The following KCNMA1 variants were observed in gnomAD, a reference collection of about 807,000 sequenced individuals.
The protein encoded by KCNMA1 is Calcium-activated potassium channel subunit alpha-1.
Under a neutral mutation model 140.0 loss-of-function variants are expected in KCNMA1, and 29 were observed. The ratio of observed to expected loss-of-function variants is 0.21; its 90% CI spans 0.15 to 0.28. The LOEUF is 0.28. Ranked by LOEUF, KCNMA1 falls within the 10% of genes least tolerant of loss-of-function variation. The pLI, the probability that KCNMA1 is intolerant of heterozygous loss-of-function variation, is 1.00. For synonymous variants in KCNMA1, 612 were observed against 611.9 expected, an observed-to-expected ratio of 1.00 and a Z score of 0.00; for missense variants, 880 against 1,602.2, an observed-to-expected ratio of 0.55 and a Z score of 7.70.
chr10:77,480,447 T>C (rs2154531332), intron 1 of KCNMA1, among the ~76,000 whole-genome samples: 1 of 152,364 alleles, frequency 6.6e-6, no homozygotes, highest in East Asian at 1.9e-4. Flanking sequence ...AGAGCTGATC[T>C]TCTTCCAGCT....
chr10:77,216,053 AT>A (rs1380104214), intron 3 of KCNMA1, among the ~76,000 whole-genome samples: 1 of 152,150 alleles, frequency 6.6e-6, no homozygotes, highest in African/African-American at 2.4e-5. Flanking sequence ...TCTTGAAAAC[AT>A]CATGCTAATT....
chr10:77,297,134 G>T (rs1339233572), intron 2 of KCNMA1, among the ~76,000 whole-genome samples: 2 of 152,152 alleles, frequency 1.3e-5, no homozygotes, highest in East Asian at 1.9e-4. Flanking sequence ...CTGAGACACA[G>T]AGAAAACTGA....
intron 20 of KCNMA1, among the ~76,000 whole-genome samples, chr10:76,968,999 C>T (rs1028688398): frequency 6.6e-6 from 1 of 152,080 alleles, no homozygotes; most frequent in East Asian, 1.9e-4. Flanking sequence ...AGATGGCAGG[C>T]ATTTCCAGAG....
At chr10:77,119,498 G>A (rs766496900) in intron 6 of KCNMA1, among the ~76,000 whole-genome samples, 1 of 152,132 alleles carries the variant, frequency 6.6e-6, no homozygotes, top group Non-Finnish European at 1.5e-5. Flanking sequence ...GTACTCACGC[G>A]TTCCATCTTT....
At chr10:77,191,610 A>T (rs1311970159) in intron 3 of KCNMA1, among the ~76,000 whole-genome samples, 1 of 152,154 alleles carries the variant, frequency 6.6e-6, no homozygotes. Flanking sequence ...TCTTCACTTT[A>T]TCCCAGACAT....
At chr10:77,525,769 G>A (rs1252766094) in intron 1 of KCNMA1, among the ~76,000 whole-genome samples, 1 of 152,240 alleles carries the variant, frequency 6.6e-6, no homozygotes, top group Non-Finnish European at 1.5e-5. Context: ...GGAGGCAAAA[G>A]ATGTCACCCT....
chr10:77,055,468 A>C (rs1270877), intron 14 of KCNMA1, among the ~76,000 whole-genome samples: 139,228 of 148,634 alleles, frequency 0.94, 65,260 homozygotes, highest in Middle Eastern at 0.98. Context: ...CCCTCCCTCC[A>C]TCCATTCCTT....
chr10:76,941,061 A>AAGAG (rs1591401116), intron 23 of KCNMA1, among the ~76,000 whole-genome samples: 1 of 101,040 alleles, frequency 9.9e-6, no homozygotes, highest in African/African-American at 4.5e-5. Flanking sequence ...AAGAGAAAGA[A>AAGAG]AGAAAGAAAA....
intron 3 of KCNMA1, among the ~76,000 whole-genome samples, chr10:77,241,475 C>G (rs7916784): frequency 0.072 from 9,484 of 131,516 alleles, 749 homozygotes; most frequent in East Asian, 0.25. Context: ...GAGACCCCCC[C>G]ATCTCTACAA....
chr10:77,127,541 G>T (rs887568420), intron 5 of KCNMA1, among the ~76,000 whole-genome samples: 1 of 150,248 alleles, frequency 6.7e-6, no homozygotes, highest in Non-Finnish European at 1.5e-5. Flanking sequence ...TATTCCCACT[G>T]GATTGAGTAC....
At chr10:77,196,132 A>T (rs897097637) in intron 3 of KCNMA1, among the ~76,000 whole-genome samples, 1 of 151,946 alleles carries the variant, frequency 6.6e-6, no homozygotes, top group African/African-American at 2.4e-5. Context: ...ACTTCTCTAG[A>T]GATGTTATTC....
intron 1 of KCNMA1, among the ~76,000 whole-genome samples, chr10:77,427,332 C>T (rs1368866807): frequency 6.6e-6 from 1 of 152,226 alleles, no homozygotes; most frequent in African/African-American, 2.4e-5. Flanking sequence ...TAGAACTGAG[C>T]TCAAATCTCA....
intron 23 of KCNMA1, 22 bp downstream of exon 23, chr10:76,944,751 A>T: frequency 6.2e-7 from 1 of 1,609,120 alleles, no homozygotes; most frequent in Non-Finnish European, 8.5e-7. Context: ...CACAGCAAAG[A>T]AGTATTACAG....
chr10:76,886,924 A>G lies in KCNMA1; in HGVS notation c.*342T>C. The G allele has an allele frequency of 8.6e-7, 1 of 1,156,914 alleles. No homozygotes were observed. The highest frequency in any genetic ancestry group is 1.1e-6 in the Non-Finnish European group (1 of 929,622). The allele number at this position is 1,156,914 out of a possible 1,614,324, so 71.7% of individuals were successfully genotyped here. On this transcript the variant is annotated 3_prime_UTR_variant, in exon 28 of 28. Coordinates refer to ENST00000286628, the MANE Select transcript of KCNMA1 (RefSeq NM_001161352.2). ...ATCAACTTTTCTTTTACATTAAATA[A>G]ACTTGCTCTGCCTAACTGACGTTGA...
chr10:77,417,402 G>T (rs1273604179), intron 1 of KCNMA1, among the ~76,000 whole-genome samples: 1 of 152,204 alleles, frequency 6.6e-6, no homozygotes, highest in Non-Finnish European at 1.5e-5. Flanking sequence ...TGCTCAGTGG[G>T]CACTGGAAAA....
intron 23 of KCNMA1, among the ~76,000 whole-genome samples, chr10:76,917,048 T>G (rs539967102): frequency 9.2e-5 from 14 of 152,236 alleles, no homozygotes; most frequent in Non-Finnish European, 1.9e-4. Context: ...TATATGTTTT[T>G]CAGCCAACCA....
chr10:77,349,209 T>C (rs1257450463), intron 2 of KCNMA1, among the ~76,000 whole-genome samples: 1 of 152,134 alleles, frequency 6.6e-6, no homozygotes, highest in East Asian at 1.9e-4. Flanking sequence ...ATGAATGAGA[T>C]TCATGCCCTT....
intron 19 of KCNMA1, among the ~76,000 whole-genome samples, chr10:76,998,528 G>C (rs2085127175): frequency 6.6e-6 from 1 of 152,168 alleles, no homozygotes; most frequent in Non-Finnish European, 1.5e-5. Flanking sequence ...TCATGGCTCT[G>C]CTGACACTAA....
chr10:77,518,579 A>G (rs1053981290), intron 1 of KCNMA1, among the ~76,000 whole-genome samples: 1 of 152,184 alleles, frequency 6.6e-6, no homozygotes, highest in African/African-American at 2.4e-5. Flanking sequence ...GGCCGAAGGA[A>G]GAAGCCCACA....
Sources: gnomAD v4.1 joint callset for allele counts (sites outside exome capture counted in the v4.1 genomes callset) on GRCh38, gnomAD v4.1.1 for gene constraint, MANE v1.5 for transcripts, NCBI Gene and HGNC (gene_info 2026-07-23, HGNC 2026-07-21) for gene names.